TRPS1: variants seen among roughly 807,000 people sequenced by gnomAD.
TRPS1 encodes the protein zinc finger transcription factor Trps1.
A neutral mutation model predicts 101.2 loss-of-function variants in TRPS1; 6 were observed. The ratio of observed to expected loss-of-function variants is 0.06; its 90% CI spans 0.03 to 0.12. TRPS1 has a LOEUF of 0.12. Among genes scored for constraint, TRPS1 ranks in the 10% least tolerant of loss-of-function variants. The probability of loss-of-function intolerance (pLI) is 1.00; values close to 1 mark genes in which losing one functional copy is unlikely to be tolerated. For missense variants in TRPS1, 1,363 were observed against 1,567.0 expected (o/e 0.87, Z 2.20); for synonymous variants, 578 against 589.8 (o/e 0.98, Z 0.29).
In TRPS1 at chr8:115,411,095, C is replaced by G. The variant is rs1340333868; in HGVS notation, c.*2928G>C. 2.6e-5 allele frequency: 4 copies of G among 151,554 alleles called. No homozygotes were observed. The highest frequency in any genetic ancestry group is 5.9e-5 in the Non-Finnish European group (4 of 67,786). 9.4% of individuals were successfully genotyped at this position (151,554 alleles called of 1,614,324 possible). ...CAAAAAAGCCCAACCTCTTCTCCACCAAAATATGTATAATAATGAAAGCAA... is the reference window on the plus strand; with the variant it reads ...CAAAAAAGCCCAACCTCTTCTCCACGAAAATATGTATAATAATGAAAGCAA... On this transcript the variant is annotated 3_prime_UTR_variant, in exon 7 of 7. Transcript: ENST00000395715.
At chr8:115,476,482 G>C (rs1814610265) in intron 5 of TRPS1, among the ~76,000 whole-genome samples, 1 of 152,160 alleles carries the variant, frequency 6.6e-6, no homozygotes, top group Admixed American at 6.5e-5. Flanking sequence ...TCCCTAGGAA[G>C]CATGGCTTCA....
chr8:115,543,621 TC>T (rs71515956), intron 5 of TRPS1, among the ~76,000 whole-genome samples: 4 of 20,720 alleles, frequency 1.9e-4, no homozygotes, highest in African/African-American at 1.3e-3. Context: ...CCTCATTTTT[TC>T]TTCTTCATAC....
At chr8:115,638,884 A>G (rs1389771772) in intron 1 of TRPS1, among the ~76,000 whole-genome samples, 3 of 152,162 alleles carry the variant, frequency 2.0e-5, no homozygotes, top group Non-Finnish European at 4.4e-5. Flanking sequence ...ACTGAAATAG[A>G]TTGTAAATGC....
At chr8:115,610,762 T>C (rs763241196) in intron 3 of TRPS1, among the ~76,000 whole-genome samples, 2 of 152,210 alleles carry the variant, frequency 1.3e-5, no homozygotes, top group African/African-American at 2.4e-5. Flanking sequence ...AGTATAATTC[T>C]GAATTAATTT....
intron 1 of TRPS1, among the ~76,000 whole-genome samples, chr8:115,640,613 G>C (rs917687025): frequency 3.3e-5 from 5 of 152,276 alleles, no homozygotes; most frequent in African/African-American, 1.2e-4. Flanking sequence ...AAAAACCCTG[G>C]AAATGAATTG....
chr8:115,472,131 C>T (rs1418844226), intron 5 of TRPS1, among the ~76,000 whole-genome samples: 1 of 152,236 alleles, frequency 6.6e-6, no homozygotes, highest in Non-Finnish European at 1.5e-5. Flanking sequence ...CGCACATTTC[C>T]CTTCTGCATT....
At chr8:115,498,497 CACAAGTTTGTTGTT>C (rs1815223227) in intron 5 of TRPS1, among the ~76,000 whole-genome samples, 1 of 145,250 alleles carries the variant, frequency 6.9e-6, no homozygotes, top group African/African-American at 2.5e-5. Context: ...AACAAAAACA[CACAAGTTTGTTGTT>C]GTCATTTTCA....
intron 4 of TRPS1, among the ~76,000 whole-genome samples, chr8:115,595,544 A>G (rs2130467177): frequency 6.6e-6 from 1 of 152,004 alleles, no homozygotes; most frequent in Middle Eastern, 3.4e-3. Flanking sequence ...GCTTTTGGGG[A>G]CATGGGATGA....
chr8:115,414,110 C>T lies in TRPS1; in HGVS notation c.3798G>A (p.Thr1266=), dbSNP rs550119611. ...FQCSICQHLC[T]DKYDFTTHIQ... ...TATGTGTTGTGAAGTCATATTTGTC[C>T]GTGCAAAGATGCTGGCATATGCTGC... The change falls in exon 7 of 7, where the codon ACG becomes ACA. Residue 1266 remains threonine (T), a synonymous_variant. Transcript: ENST00000395715. This position sits in a 1 kb window ranked among gnomAD's most constrained non-coding sequence, Gnocchi z 4.8. The T allele has an allele frequency of 2.8e-5, 45 of 1,613,702 alleles. No homozygotes were observed. Among genetic ancestry groups the T allele is most frequent in the Non-Finnish European group, 2.9e-5 (34 of 1,179,896 alleles).
intron 1 of TRPS1, among the ~76,000 whole-genome samples, chr8:115,633,352 G>A (rs960516579): frequency 6.6e-6 from 1 of 152,098 alleles, no homozygotes; most frequent in African/African-American, 2.4e-5. Flanking sequence ...GAGAGGATAA[G>A]AACTCTGTAT....
At chr8:115,639,219 A>G (rs1818839264) in intron 1 of TRPS1, among the ~76,000 whole-genome samples, 2 of 152,106 alleles carry the variant, frequency 1.3e-5, no homozygotes, top group South Asian at 4.1e-4. Flanking sequence ...ATGTACTACC[A>G]TTCTGGGTTA....
At chr8:115,594,064 G>T (rs536749033) in intron 4 of TRPS1, among the ~76,000 whole-genome samples, 11 of 152,192 alleles carry the variant, frequency 7.2e-5, no homozygotes, top group African/African-American at 2.6e-4. Context: ...TGTTCAGGAT[G>T]CTGGATTTAA....
intron 1 of TRPS1, among the ~76,000 whole-genome samples, chr8:115,663,721 GAAAAAAAA>G (rs1201864123): frequency 1.2e-4 from 9 of 76,788 alleles, no homozygotes; most frequent in Non-Finnish European, 2.8e-4. Flanking sequence ...CTTGGAAAAG[GAAAAAAAA>G]AAAAAAAAAA....
In TRPS1 at chr8:115,414,880, G is replaced by A; in HGVS notation, c.3028C>T (p.Pro1010Ser). 6.2e-7 allele frequency: 1 copy of A among 1,612,646 alleles called. No homozygotes were observed. Among genetic ancestry groups the A allele is most frequent in the Non-Finnish European group, 8.5e-7 (1 of 1,179,200 alleles). ...TCGTATTTACTTAGGCTGGGGAGTG[G>A]AATTTCTCTCTGGTGACTTTCAGTT... ...HLTESHQREIPLPSLSKYEAQ... is the reference protein window; with the variant it reads ...HLTESHQREISLPSLSKYEAQ... The change falls in exon 7 of 7, where the codon CCA (proline) becomes TCA (serine). Residue 1010 changes from proline to serine, a missense_variant. Physicochemically the swap from Pro to Ser is moderately conservative, Grantham distance 74. This residue lies in a region of TRPS1 where 307 missense variants were observed against 392.4 expected (regional missense o/e 0.78). Transcript: ENST00000395715. This position sits in a 1 kb window ranked among gnomAD's most constrained non-coding sequence, Gnocchi z 4.8.
intron 5 of TRPS1, among the ~76,000 whole-genome samples, chr8:115,467,045 C>A (rs1814339857): frequency 6.6e-6 from 1 of 152,002 alleles, no homozygotes. Context: ...TCACCATAGG[C>A]CTGTTTTGGA....
rs868287898 is a variant in TRPS1, at chr8:115,647,336, T to A, written c.-122+21209A>T. 7.9e-5 allele frequency among the ~76,000 whole-genome samples: 12 copies of A among 152,298 alleles called. No homozygotes were observed. The South Asian group carries it at 1.4e-3, about 18-fold the overall frequency. Reference sequence around the variant, plus strand: ...AAAGCATGTCCGTAACAAGAATTAATTTAAAAATAAGCTTGATGATGTAAA... The same window carrying A: ...AAAGCATGTCCGTAACAAGAATTAAATTAAAAATAAGCTTGATGATGTAAA... On this transcript the variant is annotated intron_variant, in intron 1 of 6. Coordinates refer to ENST00000395715, the MANE Select transcript of TRPS1 (RefSeq NM_014112.5).
At chr8:115,612,100 GA>G (rs1274275602) in intron 3 of TRPS1, among the ~76,000 whole-genome samples, 7 of 148,140 alleles carry the variant, frequency 4.7e-5, no homozygotes, top group East Asian at 2.0e-4. Flanking sequence ...GAAGGAGGAT[GA>G]AAAAAAGAGA....
intron 5 of TRPS1, among the ~76,000 whole-genome samples, chr8:115,422,195 C>T (rs757938337): frequency 2.7e-5 from 4 of 150,636 alleles, no homozygotes; most frequent in South Asian, 2.1e-4. Flanking sequence ...CTATTTCTAT[C>T]GTTATTTTTA....
chr8:115,540,106 A>G (rs1026730139), intron 5 of TRPS1, among the ~76,000 whole-genome samples: 1 of 152,242 alleles, frequency 6.6e-6, no homozygotes, highest in Non-Finnish European at 1.5e-5. Context: ...TTTAGAATTC[A>G]TAATCTGATT....
Sources: allele counts gnomAD v4.1 joint callset (sites outside exome capture counted in the v4.1 genomes callset), GRCh38; gene constraint gnomAD v4.1.1; regional missense constraint gnomAD v4.1.1; non-coding constraint Gnocchi (gnomAD v3.1); transcripts MANE v1.5; gene names NCBI Gene and HGNC (gene_info 2026-07-23, HGNC 2026-07-21).